WDFY4: variants seen among roughly 807,000 people sequenced by gnomAD.
WDFY4 encodes WD repeat- and FYVE domain-containing protein 4.
Under a neutral mutation model 351.9 loss-of-function variants are expected in WDFY4, and 169 were observed. That is an observed-to-expected ratio of 0.48 (90% CI 0.42 to 0.55). The LOEUF (loss-of-function observed/expected upper bound fraction) is 0.55, where lower values mean the gene tolerates loss of function less well. WDFY4 is among the 20% of genes least tolerant of loss of function. The pLI, the probability that WDFY4 is intolerant of heterozygous loss-of-function variation, is 0.00. For missense variants in WDFY4, 3,803 were observed against 3,935.6 expected, an observed-to-expected ratio of 0.97 and a Z score of 0.90; for synonymous variants, 1,622 against 1,574.6, an observed-to-expected ratio of 1.03 and a Z score of -0.71.
intron 61 of WDFY4, 68 bp from the exon 62 acceptor site, chr10:48,982,441 C>A: frequency 1.5e-6 from 2 of 1,368,936 alleles, no homozygotes; most frequent in Non-Finnish European, 9.7e-7. Flanking sequence ...GTTGCAATAT[C>A]CCATGTGCTG....
At chr10:48,797,049 A>G (rs1030491188) in intron 24 of WDFY4, among the ~76,000 whole-genome samples, 2 of 152,210 alleles carry the variant, frequency 1.3e-5, no homozygotes, top group African/African-American at 4.8e-5. Flanking sequence ...GACATAGCCA[A>G]TGTAACACTG....
At chr10:48,691,684 T>C (rs1467821790) in intron 1 of WDFY4, among the ~76,000 whole-genome samples, 1 of 152,240 alleles carries the variant, frequency 6.6e-6, no homozygotes, top group Non-Finnish European at 1.5e-5. Flanking sequence ...GTTTTCCATG[T>C]AATAATAAGA....
At chr10:48,865,188 T>C (rs1393423507) in intron 39 of WDFY4, among the ~76,000 whole-genome samples, 2 of 152,256 alleles carry the variant, frequency 1.3e-5, no homozygotes, top group Non-Finnish European at 2.9e-5. Flanking sequence ...TGTTGTATAA[T>C]GTTGGCTGTG....
chr10:48,914,097 TTC>T, intron 47 of WDFY4: 3 of 1,614,228 alleles, frequency 1.9e-6, no homozygotes. Flanking sequence ...TTTGATGCAA[TTC>T]CTGGCCACCT....
rs575880418 is a variant in WDFY4, at chr10:48,788,048, G to A, written c.3809-482G>A. Among the ~76,000 whole-genome samples the A allele has an allele frequency of 4.4e-4, 57 of 128,564 alleles. 1 individual carries two copies. Among genetic ancestry groups the A allele is most frequent in the African/African-American group, 1.7e-3 (56 of 32,914 alleles). The allele number at this position is 128,564 out of a possible 152,430, so 84.3% of individuals were successfully genotyped here. A position where few individuals can be genotyped will look rare whatever the true frequency, so the allele number is the denominator to read the frequency against. Reference sequence around the variant, plus strand: ...CTTCTCCTTTTCCTTCTTCTTCTTCGACAGAGTCTCACTCTGTCACCCAGA... The same window carrying A: ...CTTCTCCTTTTCCTTCTTCTTCTTCAACAGAGTCTCACTCTGTCACCCAGA... On this transcript the variant is annotated intron_variant, in intron 20 of 61. Coordinates refer to ENST00000325239, the MANE Select transcript of WDFY4 (RefSeq NM_001394531.1).
intron 25 of WDFY4, 130 bp downstream of exon 25, chr10:48,803,489 C>T: frequency 1.2e-6 from 1 of 859,760 alleles, no homozygotes; most frequent in East Asian, 2.7e-5. Flanking sequence ...GCACATCCTT[C>T]CCAGTGGCTC....
rs759570261 is a variant in WDFY4 at position 48,877,117 on chromosome 10, A to G, written c.7085A>G (p.His2362Arg). 2.1e-5 allele frequency: 33 copies of G among 1,550,294 alleles called. 1 individual carries two copies. Among genetic ancestry groups the G allele is most frequent in the Middle Eastern group, 3.3e-4 (2 of 5,972 alleles). Reference sequence around the variant, plus strand: ...CAGCTGACCTTCTTCCCAGCCTTACACGAAAGTCTGCACTCAGAAGACTTC... The same window carrying G: ...CAGCTGACCTTCTTCCCAGCCTTACGCGAAAGTCTGCACTCAGAAGACTTC... ...CTQLTFFPAL[H>R]ESLHSEDFLE... is the part of the protein sequence containing the mutation. Residue 2362 changes from histidine (H) to arginine (R), a missense_variant, in exon 43 of 62, where the codon CAC (histidine) becomes CGC (arginine). Physicochemically the swap from His to Arg is conservative, Grantham distance 29. This residue lies in a region of WDFY4 where 3,054 missense variants were observed against 3,148.6 expected (regional missense o/e 0.97). Coordinates refer to ENST00000325239, the MANE Select transcript of WDFY4 (RefSeq NM_001394531.1).
At chr10:48,933,083 G>A (rs192888721) in intron 47 of WDFY4, among the ~76,000 whole-genome samples, 216 of 152,280 alleles carry the variant, frequency 1.4e-3, no homozygotes, top group African/African-American at 4.9e-3. Context: ...GGCAGGAGAA[G>A]AGGGGAGTCT....
intron 12 of WDFY4, chr10:48,745,587 C>T: frequency 4.0e-6 from 2 of 502,932 alleles, no homozygotes; most frequent in Non-Finnish European, 7.6e-6. Context: ...TTTTCTTCTC[C>T]ACGTTCTTTT....
At chr10:48,787,250 T>C (rs921633515) in intron 20 of WDFY4, among the ~76,000 whole-genome samples, 1 of 152,260 alleles carries the variant, frequency 6.6e-6, no homozygotes, top group Non-Finnish European at 1.5e-5. Flanking sequence ...TTATTGATTG[T>C]TGTTATTCAA....
At chr10:48,731,642 T>C in intron 9 of WDFY4, 80 bp downstream of exon 9, 1 of 1,436,222 alleles carries the variant, frequency 7.0e-7, no homozygotes. Flanking sequence ...TGGCTGCCCA[T>C]CAAATGCAAC....
chr10:48,735,236 C>A (rs2064616215), intron 10 of WDFY4, among the ~76,000 whole-genome samples: 1 of 152,188 alleles, frequency 6.6e-6, no homozygotes, highest in African/African-American at 2.4e-5. Context: ...ACATGGATTA[C>A]TCCAATATCA....
intron 47 of WDFY4, among the ~76,000 whole-genome samples, chr10:48,941,404 G>T (rs547475137): frequency 3.0e-4 from 46 of 152,320 alleles, no homozygotes; most frequent in African/African-American, 9.9e-4. Flanking sequence ...CATATCTCAT[G>T]GCCTTCCACG....
intron 1 of WDFY4, among the ~76,000 whole-genome samples, chr10:48,705,405 T>C (rs2063599570): frequency 6.6e-6 from 1 of 152,174 alleles, no homozygotes; most frequent in African/African-American, 2.4e-5. Context: ...ACTCCCACAG[T>C]GACCCTAAGC....
chr10:48,966,607 C>G lies in WDFY4; in HGVS notation c.8518C>G (p.Pro2840Ala). 6.4e-7 allele frequency: 1 copy of G among 1,551,974 alleles called. No individual in the cohort carries two copies. The highest frequency in any genetic ancestry group is 8.7e-7 in the Non-Finnish European group (1 of 1,147,042). The change falls in exon 55 of 62, where the codon CCT (proline) becomes GCT (alanine). Residue 2840 changes from proline (P) to alanine (A), a missense_variant. Coordinates refer to ENST00000325239, the MANE Select transcript of WDFY4 (RefSeq NM_001394531.1). ...GKDVSTPVSL[P>A]GHPQPFFYSL... is the part of the protein sequence containing the mutation. ...GGATGTCTCCACCCCCGTGAGCCTG[C>G]CTGGCCACCCACAGCCCTTTTTCTA...
In WDFY4 at chr10:48,731,147, A is replaced by T. The variant is rs969513002; in HGVS notation, c.1167A>T (p.Leu389=). 4 of 1,550,462 alleles carry T rather than the reference A, an allele frequency of 2.6e-6. No individual in the cohort carries two copies. The highest frequency in any genetic ancestry group is 1.4e-5 in the African/African-American group (1 of 73,040). ...AGAATCTTCAGGCCTTCCAGGTCCT[A>T]CAGAATGTTTTCCACAAAGCCAGTG... ...TVKNLQAFQV[L]QNVFHKASDS... is the part of the protein sequence containing the mutation. Residue 389 remains leucine (L), a synonymous_variant, in exon 9 of 62, where the codon CTA becomes CTT. Coordinates refer to ENST00000325239, the MANE Select transcript of WDFY4 (RefSeq NM_001394531.1).
At chr10:48,721,792 G>A (rs2064096059) in intron 4 of WDFY4, among the ~76,000 whole-genome samples, 2 of 152,174 alleles carry the variant, frequency 1.3e-5, no homozygotes, top group South Asian at 4.1e-4. Context: ...GCCAGTGAGT[G>A]ATGAGAACGC....
intron 39 of WDFY4, among the ~76,000 whole-genome samples, chr10:48,858,125 T>C (rs1300019021): frequency 1.3e-5 from 2 of 152,218 alleles, no homozygotes; most frequent in East Asian, 1.9e-4. Context: ...TCTTCATATA[T>C]TTTAGATGTT....
At chr10:48,699,058 C>T (rs11101430) in intron 1 of WDFY4, among the ~76,000 whole-genome samples, 82,914 of 152,042 alleles carry the variant, frequency 0.55, 23,069 homozygotes, top group East Asian at 0.7. Flanking sequence ...GCTCACAGCC[C>T]CTGCCACGTC....
Sources: gnomAD v4.1 joint callset for allele counts (sites outside exome capture counted in the v4.1 genomes callset) on GRCh38, gnomAD v4.1.1 for gene constraint, gnomAD v4.1.1 regional missense constraint, MANE v1.5 for transcripts, NCBI Gene and HGNC (gene_info 2026-07-23, HGNC 2026-07-21) for gene names.